Variants in RASL12 observed in about 807,000 individuals in gnomAD.
RASL12 encodes the protein RAS like family 12.
In RASL12, 16 loss-of-function variants were observed where a neutral mutation model predicts 22.9. The observed-to-expected ratio is 0.70, with a 90% CI of 0.47 to 1.06. The LOEUF is 1.06. RASL12 is among the 50% of genes least tolerant of loss of function. RASL12 has a pLI of 0.00. For missense variants in RASL12, 306 were observed against 353.1 expected, an observed-to-expected ratio of 0.87 and a Z score of 1.07; for synonymous variants, 159 against 152.2, an observed-to-expected ratio of 1.04 and a Z score of -0.33.
chr15:65,076,260 T>C (rs941723477), intron 1 of RASL12, among the ~76,000 whole-genome samples: 3 of 152,342 alleles, frequency 2.0e-5, no homozygotes, highest in Admixed American at 2.0e-4. Context: ...CTCACTCTTT[T>C]GGGTCCACAC....
Position 65,076,594 on chromosome 15 carries a change from AC to A in RASL12, c.4del (p.Val2Ter). On this transcript the variant is annotated frameshift_variant, in exon 1 of 5. Coordinates refer to the RASL12 transcript ENST00000434605. LOFTEE classifies it high-confidence loss of function. ...ACCCACCAATTCTGGACCCATTATT[AC>A]CATTTCTTCTAAGGATATGAGTGAT... The A allele has an allele frequency of 1.4e-6, 1 of 703,866 alleles. No homozygotes were observed. The allele number at this position is 703,866 out of a possible 1,614,324, so 43.6% of individuals were successfully genotyped here.
At chr15:65,073,050 GAAAC>G (rs773031196) in intron 1 of RASL12, among the ~76,000 whole-genome samples, 11 of 151,956 alleles carry the variant, frequency 7.2e-5, no homozygotes, top group South Asian at 4.2e-4. Flanking sequence ...CTCAAAAAAA[GAAAC>G]AAACAAACAA....
intron 3 of RASL12, 108 bp downstream of exon 3, chr15:65,059,237 G>A (rs1462143028): frequency 5.5e-6 from 5 of 908,730 alleles, no homozygotes; most frequent in South Asian, 1.4e-5. Context: ...GCAAAGTTGA[G>A]CTTAAAAGGC....
chr15:65,068,289 CTT>C (rs2086905835), upstream of RASL12: 1 of 985,286 alleles, frequency 1.0e-6, no homozygotes, highest in South Asian at 4.7e-5. The surrounding 1 kb of genome is among the most constrained non-coding windows in gnomAD (Gnocchi z 4.2). Context: ...CACTCAATCT[CTT>C]TTCACCAGCA....
In RASL12 at chr15:65,066,036, A is replaced by T. The variant is rs147036518; in HGVS notation, c.104-763T>A. ...AAGAAAAGAAAAGAGAAGAGAAGAG[A>T]AGAGTAGAGAAGAGAAGAGAAGAGA... On this transcript the variant is annotated intron_variant, in intron 1 of 4. Coordinates refer to ENST00000220062, the MANE Select transcript of RASL12 (RefSeq NM_016563.4). Among the ~76,000 whole-genome samples the T allele has an allele frequency of 1.9e-3, 257 of 135,498 alleles. 2 individuals are homozygous for T. Among genetic ancestry groups the T allele is most frequent in the African/African-American group, 5.6e-3 (214 of 38,030 alleles). The allele number at this position is 135,498 out of a possible 152,430, so 88.9% of individuals were successfully genotyped here.
upstream of RASL12, among the ~76,000 whole-genome samples, chr15:65,071,977 T>C (rs974446429): frequency 2.0e-5 from 3 of 151,154 alleles, no homozygotes; most frequent in African/African-American, 7.3e-5. Flanking sequence ...TTTCTAAGCC[T>C]TTGTTTCCTC....
chr15:65,055,423 T>A, intron 4 of RASL12, 149 bp from the exon 5 acceptor site: 1 of 665,796 alleles, frequency 1.5e-6, no homozygotes, highest in East Asian at 2.7e-5. Context: ...ATCAGTACAG[T>A]GGGTTACTGC....
chr15:65,066,413 G>A (rs768707456), intron 1 of RASL12, among the ~76,000 whole-genome samples: 2 of 152,012 alleles, frequency 1.3e-5, no homozygotes, highest in Non-Finnish European at 2.9e-5. Flanking sequence ...CTACTCAGGA[G>A]GCTGAGAGGG....
At position 65,067,830 on chromosome 15, in the gene RASL12, G is replaced by T; in HGVS notation, c.6C>A (p.Ser2=). Residue 2 remains serine (S), a synonymous_variant, in exon 1 of 5, where the codon TCC becomes TCA. Coordinates refer to ENST00000220062, the MANE Select transcript of RASL12 (RefSeq NM_016563.4). The part of the protein sequence containing the change: M[S]SVFGKPRAGS... ...CCGCGCGGGGTTTTCCAAACACCGA[G>T]GACATGGCGACGCCCTGGACGGCCA... 1.3e-6 allele frequency: 2 copies of T among 1,552,486 alleles called. No homozygotes were observed. The highest frequency in any genetic ancestry group is 1.7e-6 in the Non-Finnish European group (2 of 1,153,696).
rs2086692347 is a variant in RASL12 at position 65,053,916 on chromosome 15, T to A, written c.*983A>T. On this transcript the variant is annotated 3_prime_UTR_variant, in exon 5 of 5. Coordinates refer to ENST00000220062, the MANE Select transcript of RASL12 (RefSeq NM_016563.4). ...TAACATAAGCAAAATTTTGCTTTATTAACCCAAAATGCTTTAGGTTCTAAA... is the reference window on the plus strand; with the variant it reads ...TAACATAAGCAAAATTTTGCTTTATAAACCCAAAATGCTTTAGGTTCTAAA... 1.0e-6 allele frequency: 1 copy of A among 985,810 alleles called. No individual in the cohort carries two copies. The highest frequency in any genetic ancestry group is 1.2e-6 in the Non-Finnish European group (1 of 830,000). The allele number at this position is 985,810 out of a possible 1,614,324, so 61.1% of individuals were successfully genotyped here.
At chr15:65,060,544 A>G (rs1161708251) in intron 2 of RASL12, among the ~76,000 whole-genome samples, 1 of 152,254 alleles carries the variant, frequency 6.6e-6, no homozygotes, top group Admixed American at 6.5e-5. Context: ...TGAGAAAGCA[A>G]CAAGTGGCCA....
chr15:65,067,758 C>A lies in RASL12; in HGVS notation c.78G>T (p.Leu26=). The change falls in exon 1 of 5, where the codon CTG becomes CTT. Residue 26 remains leucine, a synonymous_variant. Transcript: ENST00000220062. ...CAGACTTGCCAGCCCCGCGGCGCCC[C>A]AGGATGGCCAGGTTGACCTCGAGGG... ...SAPLEVNLAI[L]GRRGAGKSAL... 1 of 1,574,566 alleles carries A rather than the reference C, an allele frequency of 6.4e-7. No individual in the cohort carries two copies. Among genetic ancestry groups the A allele is most frequent in the Non-Finnish European group, 8.6e-7 (1 of 1,163,022 alleles).
chr15:65,050,200 G>A, downstream of RASL12: 1 of 934,300 alleles, frequency 1.1e-6, no homozygotes, highest in South Asian at 1.6e-5. Flanking sequence ...CTCCAGGTCA[G>A]GCGGTACATT....
intron 1 of RASL12, among the ~76,000 whole-genome samples, chr15:65,073,414 T>C (rs1220071563): frequency 6.6e-6 from 1 of 152,124 alleles, no homozygotes; most frequent in African/African-American, 2.4e-5. Context: ...TAGATTGTCA[T>C]AAGGAGCAGG....
At chr15:65,064,150 T>G (rs935033848) in intron 2 of RASL12, among the ~76,000 whole-genome samples, 3 of 152,254 alleles carry the variant, frequency 2.0e-5, no homozygotes, top group Non-Finnish European at 2.9e-5. Flanking sequence ...TTGATTTGTT[T>G]TAGAAGGGAA....
chr15:65,068,621 T>C (rs2086909175), upstream of RASL12, among the ~76,000 whole-genome samples: 1 of 152,214 alleles, frequency 6.6e-6, no homozygotes, highest in Non-Finnish European at 1.5e-5. The surrounding 1 kb of genome is among the most constrained non-coding windows in gnomAD (Gnocchi z 4.2). Flanking sequence ...ATGAGTTGCA[T>C]GTGTTTGTGG....
intron 2 of RASL12, 75 bp downstream of exon 2, chr15:65,065,142 A>C (rs1017177060): frequency 6.8e-5 from 98 of 1,442,286 alleles, no homozygotes; most frequent in Non-Finnish European, 8.5e-5. Context: ...GTCAGTGCCC[A>C]CCCACGGGGT....
At chr15:65,047,806 T>C in the RASL12 span, among the ~76,000 whole-genome samples, 1 of 148,046 alleles carries the variant, frequency 6.8e-6, no homozygotes, top group Non-Finnish European at 1.5e-5. Flanking sequence ...GATAGATAGA[T>C]AGATAGATAG....
intron 3 of RASL12, among the ~76,000 whole-genome samples, chr15:65,058,873 T>G (rs2086768405): frequency 2.0e-5 from 3 of 152,272 alleles, no homozygotes; most frequent in Admixed American, 2.0e-4. Flanking sequence ...GACTCTGGCA[T>G]GGTCCCTACA....
Sources: allele counts gnomAD v4.1 joint callset (sites outside exome capture counted in the v4.1 genomes callset), GRCh38; gene constraint gnomAD v4.1.1; non-coding constraint Gnocchi (gnomAD v3.1); transcripts MANE v1.5; gene names NCBI Gene and HGNC (gene_info 2026-07-23, HGNC 2026-07-21).